Variants in NFIL3 observed in about 807,000 individuals in gnomAD.
NFIL3 encodes the protein nuclear factor interleukin-3-regulated protein.
NFIL3 carries 5 observed loss-of-function variants against 10.0 expected under a neutral mutation model. That is an observed-to-expected ratio of 0.50 (90% CI 0.26 to 1.06). The LOEUF (loss-of-function observed/expected upper bound fraction) is 1.06, where lower values mean the gene tolerates loss of function less well. Ranked by LOEUF, NFIL3 falls within the 50% of genes least tolerant of loss-of-function variation. NFIL3 has a pLI of 0.13. For missense variants in NFIL3, 436 were observed against 547.6 expected, an observed-to-expected ratio of 0.80 and a Z score of 2.03; for synonymous variants, 202 against 206.5, an observed-to-expected ratio of 0.98 and a Z score of 0.19.
At chr9:91,420,395 TCTGGTTCCTGATCAATAACA>T in intron 1 of NFIL3, among the ~76,000 whole-genome samples, 1 of 143,094 alleles carries the variant, frequency 7.0e-6, no homozygotes, top group East Asian at 2.2e-4. Flanking sequence ...ACACACAGAT[TCTGGTTCCTGATCAATAACA>T]CAGGAAACAT....
chr9:91,411,690 T>A (rs1833551879), intron 1 of NFIL3, among the ~76,000 whole-genome samples: 1 of 152,212 alleles, frequency 6.6e-6, no homozygotes, highest in East Asian at 1.9e-4. Flanking sequence ...TTTTTCTGAT[T>A]CCTTTGAATT....
In NFIL3 at chr9:91,414,745, A is replaced by C. The variant is rs1008079358; in HGVS notation, c.-172-3839T>G. Among the ~76,000 whole-genome samples, 10 of 152,330 alleles carry C rather than the reference A, an allele frequency of 6.6e-5. No individual in the cohort carries two copies. The South Asian group carries it at 1.4e-3, about 22-fold the overall frequency. ...CAAATAATCTTGCAGTGTTGAAAAG[A>C]GTTTATCAGCATTATGGGATGATAC... is the stretch of plus-strand genomic sequence containing the variant. On this transcript the variant is annotated intron_variant, in intron 1 of 1. Transcript: ENST00000297689.
At chr9:91,471,702 C>T in the NFIL3 span, among the ~76,000 whole-genome samples, 3 of 152,032 alleles carry the variant, frequency 2.0e-5, no homozygotes, top group African/African-American at 7.3e-5. Context: ...AACCCATTTA[C>T]ATTTAAGGTT....
At chr9:91,460,271 CTTTTTTTTTT>C in the NFIL3 span, among the ~76,000 whole-genome samples, 2 of 70,444 alleles carry the variant, frequency 2.8e-5, no homozygotes, top group Non-Finnish European at 4.8e-5. Context: ...GGGCTTGGTT[CTTTTTTTTTT>C]TTTTTTTTTT....
intron 1 of NFIL3, among the ~76,000 whole-genome samples, chr9:91,417,632 G>C (rs1367660245): frequency 1.3e-5 from 2 of 152,126 alleles, no homozygotes; most frequent in Non-Finnish European, 2.9e-5. Flanking sequence ...AAAAAACTCA[G>C]TCAGAAAACA....
the NFIL3 span, among the ~76,000 whole-genome samples, chr9:91,470,487 AT>A: frequency 6.6e-6 from 1 of 150,542 alleles, no homozygotes; most frequent in Non-Finnish European, 1.5e-5. Flanking sequence ...GGATTCATTG[AT>A]TTTTTGAAGG....
At chr9:91,472,038 C>G in the NFIL3 span, among the ~76,000 whole-genome samples, 19 of 152,212 alleles carry the variant, frequency 1.2e-4, no homozygotes, top group Admixed American at 9.8e-4. Context: ...GGCCCCCACT[C>G]TCTTCTGACT....
At chr9:91,467,479 C>T in the NFIL3 span, among the ~76,000 whole-genome samples, 2 of 151,976 alleles carry the variant, frequency 1.3e-5, no homozygotes, top group African/African-American at 4.8e-5. Flanking sequence ...ATACTGCAGC[C>T]TTGCTATAAT....
In NFIL3 at chr9:91,409,881, G is replaced by A. The variant is rs1346773169; in HGVS notation, c.854C>T (p.Ser285Leu). 2 of 1,613,902 alleles carry A rather than the reference G, an allele frequency of 1.2e-6. No homozygotes were observed. Among genetic ancestry groups the A allele is most frequent in the Non-Finnish European group, 1.7e-6 (2 of 1,180,022 alleles). Residue 285 changes from serine to leucine, a missense_variant, in exon 2 of 2, where the codon TCA (serine) becomes TTA (leucine). Physicochemically the swap from Ser to Leu is moderately radical, Grantham distance 145. Coordinates refer to ENST00000297689, the MANE Select transcript of NFIL3 (RefSeq NM_005384.3). ...CTGTTGCTCGTCTTCTCCATCAGAT[G>A]ACTTTCCTACCACACCATCATCAGT... ...SETDDGVVGK[S>L]SDGEDEQQVP...
chr9:91,468,762 C>A, the NFIL3 span, among the ~76,000 whole-genome samples: 1 of 152,142 alleles, frequency 6.6e-6, no homozygotes, highest in African/African-American at 2.4e-5. Flanking sequence ...ATATACCAAG[C>A]CAGTTTTCCC....
upstream of NFIL3, among the ~76,000 whole-genome samples, chr9:91,427,809 T>C (rs578079853): frequency 4.6e-5 from 7 of 152,054 alleles, no homozygotes; most frequent in South Asian, 8.4e-4. Context: ...CCTGGCTAAT[T>C]TTTTAATTTT....
the NFIL3 span, among the ~76,000 whole-genome samples, chr9:91,434,587 GC>G: frequency 2.6e-5 from 4 of 152,088 alleles, no homozygotes; most frequent in East Asian, 5.8e-4. Context: ...CCGTGAAGCA[GC>G]TTTTGTTTGA....
the NFIL3 span, among the ~76,000 whole-genome samples, chr9:91,471,068 A>G: frequency 6.6e-6 from 1 of 152,110 alleles, no homozygotes; most frequent in African/African-American, 2.4e-5. Context: ...GAAGTCCTGG[A>G]TATCCTTGTT....
At chr9:91,445,659 C>T in the NFIL3 span, among the ~76,000 whole-genome samples, 25 of 152,134 alleles carry the variant, frequency 1.6e-4, no homozygotes, top group African/African-American at 4.6e-4. Context: ...GCACTGGGGG[C>T]GCAAGACTGC....
At chr9:91,428,285 C>T (rs1833890895), upstream of NFIL3, among the ~76,000 whole-genome samples, 2 of 152,134 alleles carry the variant, frequency 1.3e-5, no homozygotes, top group Non-Finnish European at 2.9e-5. Flanking sequence ...TTTGGCCTTT[C>T]TCCAGTCATT....
At chr9:91,421,028 C>CTTA (rs964012576) in intron 1 of NFIL3, among the ~76,000 whole-genome samples, 34 of 152,228 alleles carry the variant, frequency 2.2e-4, no homozygotes, top group African/African-American at 7.7e-4. Context: ...GGAGGTTTTT[C>CTTA]TTAAGGTCTT....
upstream of NFIL3, among the ~76,000 whole-genome samples, chr9:91,425,797 T>G (rs566087267): frequency 2.3e-4 from 35 of 152,350 alleles, no homozygotes; most frequent in African/African-American, 8.4e-4. Context: ...AATTTACTGA[T>G]AGTTTCCTTT....
chr9:91,446,812 C>T, the NFIL3 span, among the ~76,000 whole-genome samples: 1 of 150,826 alleles, frequency 6.6e-6, no homozygotes, highest in South Asian at 2.1e-4. Context: ...CTCTCTCTCT[C>T]TCTTTCTTTC....
the NFIL3 span, among the ~76,000 whole-genome samples, chr9:91,481,387 C>T: frequency 7.6e-4 from 116 of 152,208 alleles, 2 homozygotes; most frequent in South Asian, 0.023. Context: ...ATACATATTG[C>T]CGTGTAACCT....
Sources: gnomAD v4.1 joint callset for allele counts (sites outside exome capture counted in the v4.1 genomes callset) on GRCh38, gnomAD v4.1.1 for gene constraint, MANE v1.5 for transcripts, NCBI Gene and HGNC (gene_info 2026-07-23, HGNC 2026-07-21) for gene names.